The following GPC6 variants were observed in gnomAD, a reference collection of about 807,000 sequenced individuals.
GPC6 encodes the protein glypican-6.
A neutral mutation model predicts 55.2 loss-of-function variants in GPC6; 14 were observed. The observed-to-expected ratio is 0.25, with a 90% CI of 0.17 to 0.40. The LOEUF (loss-of-function observed/expected upper bound fraction) is 0.40, where lower values mean the gene tolerates loss of function less well. GPC6 is among the 10% of genes least tolerant of loss of function. The pLI, the probability that GPC6 is intolerant of heterozygous loss-of-function variation, is 1.00. For missense variants in GPC6, 641 were observed against 708.5 expected, an observed-to-expected ratio of 0.90 and a Z score of 1.08; for synonymous variants, 278 against 259.6, an observed-to-expected ratio of 1.07 and a Z score of -0.68.
chr13:93,751,851 C>A (rs912618482), intron 2 of GPC6, among the ~76,000 whole-genome samples: 1 of 152,130 alleles, frequency 6.6e-6, no homozygotes. Context: ...CTTCCTCCCC[C>A]ATTGGCCTAC....
At chr13:93,545,585 A>AT (rs397851797) in intron 2 of GPC6, among the ~76,000 whole-genome samples, 164 bp downstream of exon 2, 101 of 146,184 alleles carry the variant, frequency 6.9e-4, no homozygotes, top group Non-Finnish European at 7.7e-4. Context: ...CTTGACAGTA[A>AT]TTTTTTTTTT....
At chr13:93,493,013 G>A (rs1446104169) in intron 1 of GPC6, among the ~76,000 whole-genome samples, 2 of 89,686 alleles carry the variant, frequency 2.2e-5, no homozygotes. Context: ...CCTGGCTTTG[G>A]TATCAGAATG....
intron 1 of GPC6, among the ~76,000 whole-genome samples, chr13:93,349,005 T>C (rs1354028106): frequency 6.6e-6 from 1 of 152,202 alleles, no homozygotes; most frequent in Non-Finnish European, 1.5e-5. Flanking sequence ...ATCAAAGCAT[T>C]AGCCCCAGTT....
intron 4 of GPC6, among the ~76,000 whole-genome samples, chr13:94,132,139 G>T (rs1193572065): frequency 1.3e-5 from 2 of 152,060 alleles, no homozygotes; most frequent in Non-Finnish European, 2.9e-5. Flanking sequence ...TTTCACGTAG[G>T]GTGTTAAAGA....
At chr13:93,804,117 G>A (rs899547095) in intron 2 of GPC6, among the ~76,000 whole-genome samples, 4 of 152,006 alleles carry the variant, frequency 2.6e-5, no homozygotes, top group African/African-American at 4.8e-5. Context: ...TTTTTAAAAA[G>A]GCATAGCATA....
chr13:93,316,898 T>C (rs1470583188), intron 1 of GPC6, among the ~76,000 whole-genome samples: 4 of 152,098 alleles, frequency 2.6e-5, no homozygotes, highest in Non-Finnish European at 4.4e-5. Flanking sequence ...CTTGTTTTCA[T>C]TTAATTTCTG....
At chr13:93,998,118 G>A (rs1403295880) in intron 3 of GPC6, among the ~76,000 whole-genome samples, 5 of 152,160 alleles carry the variant, frequency 3.3e-5, no homozygotes, top group African/African-American at 9.7e-5. Flanking sequence ...ATCTTGAAAC[G>A]ATGTGATGTC....
chr13:93,292,739 T>C (rs1490501885), intron 1 of GPC6, among the ~76,000 whole-genome samples: 2 of 141,034 alleles, frequency 1.4e-5, no homozygotes, highest in Non-Finnish European at 3.1e-5. Context: ...TTCTTTTCCC[T>C]ATAGTAAGAA....
intron 4 of GPC6, among the ~76,000 whole-genome samples, chr13:94,210,259 C>T (rs191558607): frequency 1.3e-5 from 2 of 151,266 alleles, no homozygotes; most frequent in East Asian, 1.9e-4. Flanking sequence ...CAGGTTCATG[C>T]GATTCTCCCG....
intron 2 of GPC6, among the ~76,000 whole-genome samples, chr13:93,825,713 CAT>C (rs914085387): frequency 1.1e-4 from 16 of 152,158 alleles, no homozygotes; most frequent in South Asian, 4.2e-4. Flanking sequence ...AAAGCTGACA[CAT>C]GTGTGTGGAA....
chr13:94,179,576 T>TA (rs571890832), intron 4 of GPC6, among the ~76,000 whole-genome samples: 36 of 151,224 alleles, frequency 2.4e-4, no homozygotes, highest in East Asian at 5.8e-4. Flanking sequence ...CTCCAAAAGT[T>TA]AAAAAAAAAT....
At chr13:94,186,114 T>A (rs1889178872) in intron 4 of GPC6, among the ~76,000 whole-genome samples, 1 of 143,660 alleles carries the variant, frequency 7.0e-6, no homozygotes, top group African/African-American at 2.6e-5. Context: ...TTAAGATATA[T>A]GTTCACATAG....
chr13:93,425,304 G>T (rs932204787), intron 1 of GPC6, among the ~76,000 whole-genome samples: 48 of 151,960 alleles, frequency 3.2e-4, no homozygotes, highest in Non-Finnish European at 1.8e-4. Flanking sequence ...CCATGTACTT[G>T]GTTGAATGAT....
chr13:93,963,649 A>T (rs528584213), intron 3 of GPC6, among the ~76,000 whole-genome samples: 1 of 152,320 alleles, frequency 6.6e-6, no homozygotes, highest in African/African-American at 2.4e-5. Context: ...TCTTTAAATC[A>T]TCTCCGTTAG....
At chr13:93,782,080 T>C (rs945482349) in intron 2 of GPC6, among the ~76,000 whole-genome samples, 20 of 152,126 alleles carry the variant, frequency 1.3e-4, no homozygotes, top group African/African-American at 4.8e-4. Context: ...GATCAACATA[T>C]TCCCAATCCC....
At chr13:94,088,217 C>T (rs973912370) in intron 4 of GPC6, among the ~76,000 whole-genome samples, 2 of 152,020 alleles carry the variant, frequency 1.3e-5, no homozygotes, top group Non-Finnish European at 1.5e-5. Context: ...CTTTACACAA[C>T]ACAACAATGA....
intron 2 of GPC6, among the ~76,000 whole-genome samples, chr13:93,559,495 A>G (rs894644898): frequency 6.6e-6 from 1 of 152,174 alleles, no homozygotes; most frequent in Non-Finnish European, 1.5e-5. Context: ...CTCAGTAACA[A>G]TTTAGTACAC....
chr13:93,268,569 C>T (rs1877404337), intron 1 of GPC6, among the ~76,000 whole-genome samples: 1 of 151,946 alleles, frequency 6.6e-6, no homozygotes, highest in Admixed American at 6.6e-5. Flanking sequence ...ACGTAAAGAC[C>T]AATTCTCGGT....
At chr13:94,180,313 T>G (rs1888945088) in intron 4 of GPC6, among the ~76,000 whole-genome samples, 1 of 152,188 alleles carries the variant, frequency 6.6e-6, no homozygotes, top group Non-Finnish European at 1.5e-5. Context: ...GTTCTTTGGT[T>G]TGAGGCCTTA....
Sources: allele counts gnomAD v4.1 joint callset (sites outside exome capture counted in the v4.1 genomes callset), GRCh38; gene constraint gnomAD v4.1.1; transcripts MANE v1.5; gene names NCBI Gene and HGNC (gene_info 2026-07-23, HGNC 2026-07-21).